TXNRD3: variants seen among roughly 807,000 people sequenced by gnomAD.
The protein encoded by TXNRD3 is TXNRD3 neighbor gene protein.
A neutral mutation model predicts 78.2 loss-of-function variants in TXNRD3; 68 were observed. The ratio of observed to expected loss-of-function variants is 0.87; its 90% confidence interval spans 0.72 to 1.06. The LOEUF (loss-of-function observed/expected upper bound fraction) is 1.06, where lower values mean the gene tolerates loss of function less well. TXNRD3 is among the 50% of genes least tolerant of loss of function. The probability of loss-of-function intolerance (pLI) is 0.00; values close to 1 mark genes in which losing one functional copy is unlikely to be tolerated. For synonymous variants in TXNRD3, 296 were observed against 300.1 expected (o/e 0.99, Z 0.14); for missense variants, 751 against 809.5 (o/e 0.93, Z 0.88).
intron 8 of TXNRD3, 53 bp from the exon 9 acceptor site, chr3:126,630,990 T>G: frequency 6.9e-7 from 1 of 1,451,002 alleles, no homozygotes; most frequent in Non-Finnish European, 9.3e-7. Context: ...ATGAAATGAG[T>G]TATTCATGTT....
intron 14 of TXNRD3, among the ~76,000 whole-genome samples, chr3:126,610,497 T>C (rs1481278893): frequency 6.6e-6 from 1 of 152,226 alleles, no homozygotes; most frequent in Non-Finnish European, 1.5e-5. Flanking sequence ...AATGGGCTGC[T>C]GCTTTAGTGA....
chr3:126,634,157 A>T, intron 6 of TXNRD3, 106 bp from the exon 7 acceptor site: 1 of 1,009,820 alleles, frequency 9.9e-7, no homozygotes. Flanking sequence ...AAAAATCAAG[A>T]AGTAGACAAT....
chr3:126,639,240 G>C (rs955737814), intron 6 of TXNRD3, among the ~76,000 whole-genome samples: 15 of 152,164 alleles, frequency 9.9e-5, no homozygotes, highest in Non-Finnish European at 1.3e-4. Flanking sequence ...TGCAGCATTT[G>C]ATTCAGTTAG....
intron 3 of TXNRD3, among the ~76,000 whole-genome samples, chr3:126,645,576 T>C (rs1388718331): frequency 6.6e-6 from 1 of 152,188 alleles, no homozygotes. Flanking sequence ...TATACATATA[T>C]AAAGGATATG....
chr3:126,621,358 A>T (rs1266719344), intron 12 of TXNRD3, among the ~76,000 whole-genome samples: 1 of 152,302 alleles, frequency 6.6e-6, no homozygotes, highest in South Asian at 2.1e-4. Flanking sequence ...GCAACAGTCC[A>T]CTTATGAAGG....
intron 13 of TXNRD3, 27 bp downstream of exon 13, chr3:126,615,328 T>A (rs1000847059): frequency 4.2e-6 from 5 of 1,178,150 alleles, no homozygotes; most frequent in Non-Finnish European, 4.6e-6. Context: ...GAGAATTTTT[T>A]AAGGAAGTAA....
At position 126,607,403 on chromosome 3, in the gene TXNRD3, T is replaced by A. The variant is rs1011048878; in HGVS notation, c.*502A>T. ...AGCTTCCTGCTAATGCAGACAGCTA[T>A]CCAAATGCAGCCCACAGCAGCCCAC... On this transcript the variant is annotated 3_prime_UTR_variant, in exon 16 of 16. Transcript: ENST00000524230. The A allele has an allele frequency of 6.6e-6, 1 of 152,336 alleles. No homozygotes were observed. Among genetic ancestry groups the A allele is most frequent in the Non-Finnish European group, 1.5e-5 (1 of 68,108 alleles). 9.4% of individuals were successfully genotyped at this position (152,336 alleles called of 1,614,324 possible).
intron 6 of TXNRD3, among the ~76,000 whole-genome samples, chr3:126,636,257 T>C (rs1202212040): frequency 6.6e-6 from 1 of 152,248 alleles, no homozygotes; most frequent in Non-Finnish European, 1.5e-5. Flanking sequence ...TTATATATTC[T>C]ATGTATGTTG....
At position 126,654,983 on chromosome 3, in the gene TXNRD3, C is replaced by T. The variant is rs1488814965; in HGVS notation, c.8G>A (p.Arg3Gln). 4 of 1,300,550 alleles carry T rather than the reference C, an allele frequency of 3.1e-6. No individual in the cohort carries two copies. The South Asian group carries it at 7.1e-5, about 23-fold the overall frequency. 80.6% of individuals were successfully genotyped at this position (1,300,550 alleles called of 1,614,324 possible). A position where few individuals can be genotyped will look rare whatever the true frequency, so the allele number is the denominator to read the frequency against. Residue 3 changes from arginine to glutamine, a missense_variant, in exon 1 of 16, where the codon CGG (arginine) becomes CAG (glutamine). Coordinates refer to ENST00000524230, the MANE Select transcript of TXNRD3 (RefSeq NM_052883.3). ...CGGCCCGGGCGACTGCGGCGGCGAC[C>T]GCTCCAGAGTCTCGCTCTCGCTCCT...
intron 5 of TXNRD3, among the ~76,000 whole-genome samples, chr3:126,642,980 G>A (rs867519718): frequency 1.7e-4 from 26 of 152,184 alleles, no homozygotes; most frequent in African/African-American, 5.5e-4. Context: ...AAAAGGGATA[G>A]AATAGTTCCC....
Position 126,618,504 on chromosome 3 carries a change from A to T in TXNRD3, c.1525-3042T>A, listed in dbSNP as rs572707164. ...ATATTTAGTGAATGGTAGTGGGAAA[A>T]CAGTATATGTAGAAGAATGAAACTG... On this transcript the variant is annotated intron_variant, in intron 12 of 15. Coordinates refer to ENST00000524230, the MANE Select transcript of TXNRD3 (RefSeq NM_052883.3). Among the ~76,000 whole-genome samples, 9 of 152,308 alleles carry T rather than the reference A, an allele frequency of 5.9e-5. No individual in the cohort carries two copies. The South Asian group carries it at 1.9e-3, about 32-fold the overall frequency.
At chr3:126,645,932 G>C (rs932532025) in intron 3 of TXNRD3, among the ~76,000 whole-genome samples, 179 bp downstream of exon 3, 1 of 152,142 alleles carries the variant, frequency 6.6e-6, no homozygotes, top group Admixed American at 6.5e-5. Context: ...CTGAAGTTCA[G>C]GCTGGCAGAA....
intron 14 of TXNRD3, among the ~76,000 whole-genome samples, chr3:126,609,721 G>C (rs1938148503): frequency 1.3e-5 from 2 of 152,152 alleles, no homozygotes; most frequent in Admixed American, 1.3e-4. Context: ...GGTGGCGTGG[G>C]ACATAGCAGA....
chr3:126,651,210 G>A (rs779568956), intron 1 of TXNRD3, among the ~76,000 whole-genome samples: 13 of 152,124 alleles, frequency 8.5e-5, no homozygotes, highest in African/African-American at 1.2e-4. Flanking sequence ...ATGTAAAGAC[G>A]GACATGTAAG....
At chr3:126,653,805 T>C (rs1933443826) in intron 1 of TXNRD3, among the ~76,000 whole-genome samples, 1 of 152,198 alleles carries the variant, frequency 6.6e-6, no homozygotes, top group South Asian at 2.1e-4. Flanking sequence ...AACAGCAGAA[T>C]GATAAACTCC....
At chr3:126,609,895 TC>T (rs1559769421) in intron 14 of TXNRD3, among the ~76,000 whole-genome samples, 1 of 152,062 alleles carries the variant, frequency 6.6e-6, no homozygotes, top group Admixed American at 6.6e-5. Flanking sequence ...GTGTACAGTC[TC>T]TCCCTACTCC....
Position 126,629,446 on chromosome 3 carries a change from G to A in TXNRD3, c.1223C>T (p.Pro408Leu). The A allele has an allele frequency of 2.0e-6, 3 of 1,535,454 alleles. No homozygotes were observed. The highest frequency in any genetic ancestry group is 2.6e-6 in the Non-Finnish European group (3 of 1,146,478). Reference sequence around the variant, plus strand: ...TTTAGCCAACACTTTCAGCTTTCCAGGTGAACCTTTCTCCAACTGTTGAAC... The same window carrying A: ...TTTAGCCAACACTTTCAGCTTTCCAAGTGAACCTTTCTCCAACTGTTGAAC... Residue 408 changes from proline (P) to leucine (L), a missense_variant, in exon 10 of 16, where the codon CCT becomes CTT. Transcript: ENST00000524230.
intron 10 of TXNRD3, among the ~76,000 whole-genome samples, chr3:126,628,012 G>A (rs1431238441): frequency 6.6e-6 from 1 of 152,022 alleles, no homozygotes; most frequent in African/African-American, 2.4e-5. Flanking sequence ...TTATACAAAG[G>A]ATACAAAGTT....
chr3:126,631,940 C>T, intron 7 of TXNRD3, 61 bp from the exon 8 acceptor site: 1 of 1,102,644 alleles, frequency 9.1e-7, no homozygotes. Flanking sequence ...ACACCCTGGA[C>T]AAAATAGTTA....
Sources: gnomAD v4.1 joint callset for allele counts (sites outside exome capture counted in the v4.1 genomes callset) on GRCh38, gnomAD v4.1.1 for gene constraint, MANE v1.5 for transcripts, NCBI Gene and HGNC (gene_info 2026-07-23, HGNC 2026-07-21) for gene names.